MAP4K2: variants seen among roughly 807,000 people sequenced by gnomAD.
MAP4K2 encodes B lymphocyte serine/threonine protein kinase.
In MAP4K2, 85 loss-of-function variants were observed where a neutral mutation model predicts 125.3. The observed-to-expected ratio is 0.68, with a 90% CI of 0.57 to 0.81. MAP4K2 has a LOEUF of 0.81. Among genes scored for constraint, MAP4K2 ranks in the 40% least tolerant of loss-of-function variants. The pLI, the probability that MAP4K2 is intolerant of heterozygous loss-of-function variation, is 0.00. For synonymous variants in MAP4K2, 479 were observed against 445.1 expected (o/e 1.08, Z -0.96); for missense variants, 923 against 1,056.4 (o/e 0.87, Z 1.75).
At chr11:64,797,723 T>G (rs1371986448) in intron 15 of MAP4K2, 59 bp from the exon 16 acceptor site, 12 of 1,367,900 alleles carry the variant, frequency 8.8e-6, no homozygotes, top group Non-Finnish European at 1.2e-5. Context: ...TTTTTTTTTT[T>G]GAGACGGAGT....
At chr11:64,801,998 G>A in intron 5 of MAP4K2, 68 bp downstream of exon 5, 3 of 1,505,644 alleles carry the variant, frequency 2.0e-6, no homozygotes, top group South Asian at 1.2e-5. Flanking sequence ...CCTCCCTGCT[G>A]GTCATCTGGG....
intron 22 of MAP4K2, 36 bp from the exon 23 acceptor site, chr11:64,796,589 A>G: frequency 6.2e-7 from 1 of 1,613,872 alleles, no homozygotes. Flanking sequence ...TCAGCACCCC[A>G]GGCCCCCACA....
chr11:64,794,955 C>T (rs1565614170), intron 24 of MAP4K2, among the ~76,000 whole-genome samples: 1 of 152,048 alleles, frequency 6.6e-6, no homozygotes, highest in Non-Finnish European at 1.5e-5. Flanking sequence ...GGTACGATCG[C>T]GATCACAGTT....
chr11:64,795,469 C>T (rs953694768), intron 24 of MAP4K2, among the ~76,000 whole-genome samples: 11 of 152,044 alleles, frequency 7.2e-5, no homozygotes, highest in Admixed American at 6.6e-4. Flanking sequence ...GGCGTGATCC[C>T]GGCTCACTGC....
chr11:64,794,991 C>T (rs149943760), intron 24 of MAP4K2, among the ~76,000 whole-genome samples: 1 of 152,180 alleles, frequency 6.6e-6, no homozygotes, highest in African/African-American at 2.4e-5. Context: ...CTCCTGGGTT[C>T]AAGCAATCCT....
intron 8 of MAP4K2, 37 bp from the exon 9 acceptor site, chr11:64,801,068 C>T: frequency 6.2e-7 from 1 of 1,613,724 alleles, no homozygotes; most frequent in Non-Finnish European, 8.5e-7. Context: ...GCCGGGTGCC[C>T]TGCTCTGTGG....
chr11:64,791,997 G>A lies in MAP4K2; in HGVS notation c.2004C>T (p.Ala668=), dbSNP rs754850890. ...GGCAGCCGGGCCCCTCAGGCCCCTC[G>A]GCCCCAACACACACCTGCGGCAGCT... The part of the protein sequence containing the change: ...GKELPQVCVG[A]EGPEGPGCRV... Residue 668 remains alanine (A), a synonymous_variant, in exon 27 of 32, where the codon GCC becomes GCT. Coordinates refer to ENST00000294066, the MANE Select transcript of MAP4K2 (RefSeq NM_004579.5). 4.4e-6 allele frequency: 7 copies of A among 1,601,556 alleles called. No homozygotes were observed. The South Asian group carries it at 4.5e-5, about 10-fold the overall frequency.
At position 64,789,393 on chromosome 11, in the gene MAP4K2, C is replaced by A; in HGVS notation, c.*144G>T. ...CTCCCCTCCCTCCCCAGGCCTGAAACATTTCTCAGGATTACTTCTGACCTT... is the reference window on the plus strand; with the variant it reads ...CTCCCCTCCCTCCCCAGGCCTGAAAAATTTCTCAGGATTACTTCTGACCTT... On this transcript the variant is annotated 3_prime_UTR_variant, in exon 32 of 32. Transcript: ENST00000294066. 1.4e-6 allele frequency: 1 copy of A among 711,774 alleles called. No individual in the cohort carries two copies. Among genetic ancestry groups the A allele is most frequent in the Non-Finnish European group, 2.3e-6 (1 of 430,618 alleles). The allele number at this position is 711,774 out of a possible 1,614,324, so 44.1% of individuals were successfully genotyped here.
rs570778829 is a variant in MAP4K2 at position 64,785,130 on chromosome 11, A to C, written c.*4407T>G. 1 of 152,352 alleles carries C rather than the reference A, an allele frequency of 6.6e-6. No individual in the cohort carries two copies. The highest frequency in any genetic ancestry group is 2.1e-4 in the South Asian group (1 of 4,830). 9.4% of individuals were successfully genotyped at this position (152,352 alleles called of 1,614,324 possible). ...GAAGCCAGACAAAACACAAGTACAT[A>C]CTGTGTGATTCTATTTACATACATT... On this transcript the variant is annotated 3_prime_UTR_variant, in exon 32 of 32. Coordinates refer to ENST00000294066, the MANE Select transcript of MAP4K2 (RefSeq NM_004579.5).
In MAP4K2 at chr11:64,789,267, G is replaced by A; in HGVS notation, c.*270C>T. 1 of 529,826 alleles carries A rather than the reference G, an allele frequency of 1.9e-6. No individual in the cohort carries two copies. Among genetic ancestry groups the A allele is most frequent in the Non-Finnish European group, 3.4e-6 (1 of 293,878 alleles). 32.8% of individuals were successfully genotyped at this position (529,826 alleles called of 1,614,324 possible). On this transcript the variant is annotated 3_prime_UTR_variant, in exon 32 of 32. Coordinates refer to ENST00000294066, the MANE Select transcript of MAP4K2 (RefSeq NM_004579.5). ...GGAACAAAATGGAATGGATGGCCCA[G>A]GCCCAGGGTCCCTGCCTTGGGCACT...
rs1941205390 is a variant in MAP4K2 at position 64,801,936 on chromosome 11, T to C, written c.366+130A>G. On this transcript the variant is annotated intron_variant, in intron 5 of 31. Coordinates refer to ENST00000294066, the MANE Select transcript of MAP4K2 (RefSeq NM_004579.5). Reference sequence around the variant, plus strand: ...CCGGCAACAGGGCTGGGGCCCCTTTTCCCCAGGACCTACAGCCCCTCGGGC... The same window carrying C: ...CCGGCAACAGGGCTGGGGCCCCTTTCCCCCAGGACCTACAGCCCCTCGGGC... 6.0e-6 allele frequency: 7 copies of C among 1,161,258 alleles called. No individual in the cohort carries two copies. The African/African-American group carries it at 9.3e-5, about 15-fold the overall frequency. 71.9% of individuals were successfully genotyped at this position (1,161,258 alleles called of 1,614,324 possible).
chr11:64,802,382 GGCTGGGGCCT>G (rs778202103), intron 4 of MAP4K2, 27 bp downstream of exon 4: 73 of 1,488,290 alleles, frequency 4.9e-5, no homozygotes, highest in Admixed American at 9.9e-5. Context: ...GGTGGGGGAA[GGCTGGGGCCT>G]GCTGGGGCCT....
At position 64,791,889 on chromosome 11, in the gene MAP4K2, A is replaced by G; in HGVS notation, c.2092+20T>C. Reference sequence around the variant, plus strand: ...TCATGCACACACACCCACCCCCAGCAGCCTGGCCCTTCTGCTCACCAGGTG... The same window carrying G: ...TCATGCACACACACCCACCCCCAGCGGCCTGGCCCTTCTGCTCACCAGGTG... On this transcript the variant is annotated intron_variant, in intron 27 of 31. Coordinates refer to ENST00000294066, the MANE Select transcript of MAP4K2 (RefSeq NM_004579.5). The G allele has an allele frequency of 6.5e-7, 1 of 1,538,826 alleles. No homozygotes were observed. Among genetic ancestry groups the G allele is most frequent in the East Asian group, 2.3e-5 (1 of 42,668 alleles).
rs1269248469 is a variant in MAP4K2, at chr11:64,796,658, T to C, written c.1548A>G (p.Glu516=). 2 of 1,613,970 alleles carry C rather than the reference T, an allele frequency of 1.2e-6. No homozygotes were observed. Among genetic ancestry groups the C allele is most frequent in the Non-Finnish European group, 8.5e-7 (1 of 1,180,028 alleles). The part of the protein sequence containing the change: ...EEGIYTLNLH[E]LHEDTLEKLI... ...CCTTCTCCAGCGTATCCTCATGCAG[T>C]TCATGCAGGTTGAGTGTGTAGATGC... The change falls in exon 22 of 32, where the codon GAA becomes GAG. Residue 516 remains glutamate (E), a synonymous_variant. Coordinates refer to ENST00000294066, the MANE Select transcript of MAP4K2 (RefSeq NM_004579.5).
In MAP4K2 at chr11:64,802,469, C is replaced by A; in HGVS notation, c.260G>T (p.Trp87Leu). Residue 87 changes from tryptophan to leucine, a missense_variant, in exon 4 of 32, where the codon TGG becomes TTG. Physicochemically the swap from Trp to Leu is moderately conservative, Grantham distance 61 (BLOSUM62 -2). Around this residue, in one of 2 missense-constraint regions of MAP4K2, gnomAD observed 833 missense variants for 911.4 expected, o/e 0.91. Coordinates refer to ENST00000294066, the MANE Select transcript of MAP4K2 (RefSeq NM_004579.5). ...IGSYLRNDRL[W>L]ICMEFCGGGS... ...CCCTCCGCAGAACTCCATGCAGATC[C>A]ACAAGCGGTCATTCCTAGGGACAAA... The A allele has an allele frequency of 6.6e-7, 1 of 1,519,922 alleles. No homozygotes were observed. Among genetic ancestry groups the A allele is most frequent in the Non-Finnish European group, 8.8e-7 (1 of 1,133,292 alleles). 94.2% of individuals were successfully genotyped at this position (1,519,922 alleles called of 1,614,324 possible). A position where few individuals can be genotyped will look rare whatever the true frequency, so the allele number is the denominator to read the frequency against.
intron 24 of MAP4K2, among the ~76,000 whole-genome samples, chr11:64,793,220 A>AAAAAAAG (rs1940606301): frequency 6.6e-6 from 1 of 151,566 alleles, no homozygotes; most frequent in Non-Finnish European, 1.5e-5. Context: ...CGGTCTCAAA[A>AAAAAAAG]AAAAAGAAAA....
chr11:64,801,713 G>A lies in MAP4K2; in HGVS notation c.411C>T (p.Ile137=). Residue 137 remains isoleucine, a synonymous_variant, in exon 6 of 32, where the codon ATC becomes ATT. Transcript: ENST00000294066. ...GTGCCCCCAGCTAGGTGCCTACCTTGATGTCTCTGTGGATCTTCCCCTGAG... is the reference window on the plus strand; with the variant it reads ...GTGCCCCCAGCTAGGTGCCTACCTTAATGTCTCTGTGGATCTTCCCCTGAG... ...LHSQGKIHRD[I]KGANLLLTLQ... The A allele has an allele frequency of 1.2e-6, 2 of 1,613,882 alleles. No individual in the cohort carries two copies.
chr11:64,800,635 C>T, intron 10 of MAP4K2, 129 bp downstream of exon 10: 1 of 1,319,038 alleles, frequency 7.6e-7, no homozygotes, highest in South Asian at 1.4e-5. Context: ...AGGCCCCTGA[C>T]TCAGATGGTC....
rs1030997393 is a variant in MAP4K2, at chr11:64,788,067, C to T, written c.*1470G>A. On this transcript the variant is annotated 3_prime_UTR_variant, in exon 32 of 32. Coordinates refer to ENST00000294066, the MANE Select transcript of MAP4K2 (RefSeq NM_004579.5). The stretch of plus-strand genomic sequence containing the variant: ...TGGCTCCCCATTCCAGCCAAGAAAC[C>T]CTCCCAGTCACTGGACAGAGTCAGA... 2 of 152,252 alleles carry T rather than the reference C, an allele frequency of 1.3e-5. No homozygotes were observed. The highest frequency in any genetic ancestry group is 1.3e-4 in the Admixed American group (2 of 15,270). 9.4% of individuals were successfully genotyped at this position (152,252 alleles called of 1,614,324 possible).
Sources: gnomAD v4.1 joint callset for allele counts (sites outside exome capture counted in the v4.1 genomes callset) on GRCh38, gnomAD v4.1.1 for gene constraint, gnomAD v4.1.1 regional missense constraint, MANE v1.5 for transcripts, NCBI Gene and HGNC (gene_info 2026-07-23, HGNC 2026-07-21) for gene names.